PCLO: variants seen among roughly 807,000 people sequenced by gnomAD.
PCLO encodes protein piccolo.
A neutral mutation model predicts 427.5 loss-of-function variants in PCLO; 82 were observed. The observed-to-expected ratio is 0.19, with a 90% CI of 0.16 to 0.23. PCLO has a LOEUF of 0.23. Among genes scored for constraint, PCLO ranks in the 10% least tolerant of loss-of-function variants. The pLI is 1.00. For missense variants in PCLO, 6,239 were observed against 6,115.9 expected, an observed-to-expected ratio of 1.02 and a Z score of -0.67; for synonymous variants, 2,357 against 2,155.4, an observed-to-expected ratio of 1.09 and a Z score of -2.59.
intron 10 of PCLO, among the ~76,000 whole-genome samples, chr7:82,860,429 A>G (rs1234099393): frequency 6.6e-6 from 1 of 152,124 alleles, no homozygotes; most frequent in African/African-American, 2.4e-5. Context: ...GAAGAAAAAA[A>G]TCTTTTACGT....
chr7:82,952,098 C>A lies in PCLO; in HGVS notation c.8855G>T (p.Ser2952Ile). The A allele has an allele frequency of 6.2e-7, 1 of 1,613,966 alleles. No homozygotes were observed. The highest frequency in any genetic ancestry group is 8.5e-7 in the Non-Finnish European group (1 of 1,179,872). Residue 2952 changes from serine (S) to isoleucine (I), a missense_variant, in exon 5 of 25, where the codon AGC (serine) becomes ATC (isoleucine). This residue lies in a region of PCLO where 4,677 missense variants were observed against 4,468.4 expected (regional missense o/e 1.05). Transcript: ENST00000333891. Reference protein sequence around the residue: ...DVVYKLPFGRSCTAQQPATTL... With the variant: ...DVVYKLPFGRICTAQQPATTL... ...AGTTGCAGGCTGCTGTGCTGTGCAG[C>A]TCCTTCCAAATGGTAATTTATAAAC...
At chr7:82,979,557 A>T (rs968458059) in intron 3 of PCLO, among the ~76,000 whole-genome samples, 18 of 152,200 alleles carry the variant, frequency 1.2e-4, no homozygotes, top group Non-Finnish European at 2.2e-4. Flanking sequence ...TGTATTATAC[A>T]TTCTAAACAT....
chr7:82,815,311 A>C (rs762257955), intron 20 of PCLO, among the ~76,000 whole-genome samples: 2 of 152,068 alleles, frequency 1.3e-5, no homozygotes, highest in Non-Finnish European at 2.9e-5. Context: ...GTGTTCATAA[A>C]GTATCTTTTG....
At chr7:82,924,865 T>C (rs1479172290) in intron 6 of PCLO, among the ~76,000 whole-genome samples, 1 of 151,904 alleles carries the variant, frequency 6.6e-6, no homozygotes, top group Non-Finnish European at 1.5e-5. Context: ...AAAAAATAGA[T>C]GGAAACATTT....
chr7:83,082,200 T>C (rs973472360), intron 3 of PCLO, among the ~76,000 whole-genome samples: 2 of 151,614 alleles, frequency 1.3e-5, no homozygotes, highest in Admixed American at 1.3e-4. Flanking sequence ...TGTTAAAATA[T>C]GCAATAGAAA....
chr7:82,911,197 T>G (rs1794312177), intron 7 of PCLO, among the ~76,000 whole-genome samples: 1 of 152,124 alleles, frequency 6.6e-6, no homozygotes. Context: ...AATAACCCTA[T>G]GTGTAACTGA....
chr7:83,010,792 T>C (rs1788058591), intron 3 of PCLO, among the ~76,000 whole-genome samples: 1 of 151,758 alleles, frequency 6.6e-6, no homozygotes, highest in Non-Finnish European at 1.5e-5. Flanking sequence ...TACATAAATG[T>C]CCCTCCTCCA....
intron 20 of PCLO, among the ~76,000 whole-genome samples, chr7:82,806,780 C>T (rs576181763): frequency 1.3e-5 from 2 of 152,286 alleles, no homozygotes; most frequent in East Asian, 3.9e-4. Flanking sequence ...GTAATGCCTA[C>T]CTCATAAAAT....
In PCLO at chr7:83,065,855, T is replaced by C. The variant is rs1003774737; in HGVS notation, c.3300+68395A>G. ...AAAACAGTTAGGTCAGTAGCTGTGA[T>C]GAAATCTGGTCATGAGACGTTCTTT... On this transcript the variant is annotated intron_variant, in intron 3 of 24. Transcript: ENST00000333891. 3.9e-5 allele frequency among the ~76,000 whole-genome samples: 6 copies of C among 152,132 alleles called. No individual in the cohort carries two copies. In the East Asian group the frequency reaches 5.8e-4, roughly 15 times the overall value.
intron 22 of PCLO, among the ~76,000 whole-genome samples, chr7:82,792,795 AATTTTGTATTGCCTTT>A (rs1324304978): frequency 6.6e-6 from 1 of 152,144 alleles, no homozygotes; most frequent in Non-Finnish European, 1.5e-5. Flanking sequence ...TTCTTAAAAT[AATTTTGTATTGCCTTT>A]ATAATATATG....
At position 82,758,569 on chromosome 7, in the gene PCLO, G is replaced by A. The variant is rs182941938; in HGVS notation, c.*6C>T. 1,268 of 1,607,250 alleles carry A rather than the reference G, an allele frequency of 7.9e-4. 2 individuals carry two copies. The highest frequency in any genetic ancestry group is 1.0e-3 in the Non-Finnish European group (1,181 of 1,176,802). ...CAGTTTCTATACCCTGAGAAGACAT[G>A]TTTCTTCAATGCGTTTGAGTAGGAC... is the stretch of plus-strand genomic sequence containing the variant. On this transcript the variant is annotated 3_prime_UTR_variant, in exon 25 of 25. Transcript: ENST00000333891.
At chr7:83,108,677 T>C (rs889473189) in intron 3 of PCLO, among the ~76,000 whole-genome samples, 1 of 152,088 alleles carries the variant, frequency 6.6e-6, no homozygotes, top group Non-Finnish European at 1.5e-5. Flanking sequence ...CTACTTTGAT[T>C]GTATTTCTTT....
At chr7:82,789,890 G>A (rs1017783543) in intron 22 of PCLO, among the ~76,000 whole-genome samples, 15 of 152,084 alleles carry the variant, frequency 9.9e-5, no homozygotes, top group African/African-American at 3.6e-4. Flanking sequence ...TTTTTACATT[G>A]CCCTCTGCTG....
At chr7:83,110,158 G>T (rs1258030334) in intron 3 of PCLO, among the ~76,000 whole-genome samples, 1 of 150,876 alleles carries the variant, frequency 6.6e-6, no homozygotes, top group Non-Finnish European at 1.5e-5. Flanking sequence ...GTCTATTGCT[G>T]TAAATGTAGG....
chr7:82,772,739 G>A (rs1485426938), intron 22 of PCLO, among the ~76,000 whole-genome samples: 1 of 152,064 alleles, frequency 6.6e-6, no homozygotes, highest in East Asian at 1.9e-4. Context: ...CTCCTTCAGT[G>A]TTTTTTTGGC....
At chr7:83,078,897 C>T (rs1790026000) in intron 3 of PCLO, among the ~76,000 whole-genome samples, 1 of 151,944 alleles carries the variant, frequency 6.6e-6, no homozygotes, top group Non-Finnish European at 1.5e-5. Context: ...AAAATAATAC[C>T]AGCAAATCAA....
At chr7:83,123,956 C>CAAAAAAAAA (rs71074625) in intron 3 of PCLO, among the ~76,000 whole-genome samples, 2 of 29,054 alleles carry the variant, frequency 6.9e-5, no homozygotes, top group African/African-American at 1.7e-4. Context: ...AACTCTGTCT[C>CAAAAAAAAA]AAAAAAAAAA....
intron 6 of PCLO, among the ~76,000 whole-genome samples, chr7:82,939,769 TGAA>T (rs1427270147): frequency 6.7e-6 from 1 of 149,194 alleles, no homozygotes; most frequent in African/African-American, 2.4e-5. Context: ...TATATTTTTA[TGAA>T]GAAGAAATAT....
intron 1 of PCLO, among the ~76,000 whole-genome samples, chr7:83,158,813 CTTAG>C (rs1248858929): frequency 2.0e-5 from 3 of 152,016 alleles, no homozygotes; most frequent in East Asian, 1.9e-4. Flanking sequence ...ATAATTTAAA[CTTAG>C]TTAGTTGCTA....
Sources: gnomAD v4.1 joint callset for allele counts (sites outside exome capture counted in the v4.1 genomes callset) on GRCh38, gnomAD v4.1.1 for gene constraint, gnomAD v4.1.1 regional missense constraint, MANE v1.5 for transcripts, NCBI Gene and HGNC (gene_info 2026-07-23, HGNC 2026-07-21) for gene names.